PDE10A: variants seen among roughly 807,000 people sequenced by gnomAD.
PDE10A encodes cAMP and cAMP-inhibited cGMP 3',5'-cyclic phosphodiesterase 10A.
PDE10A carries 39 observed loss-of-function variants against 97.7 expected under a neutral mutation model. That is an observed-to-expected ratio of 0.40 (90% confidence interval 0.31 to 0.52). PDE10A has a LOEUF of 0.52. Ranked by LOEUF, PDE10A falls within the 20% of genes least tolerant of loss-of-function variation. The probability of loss-of-function intolerance (pLI) is 0.56; values close to 1 mark genes in which losing one functional copy is unlikely to be tolerated. For synonymous variants in PDE10A, 371 were observed against 376.8 expected, an observed-to-expected ratio of 0.98 and a Z score of 0.18; for missense variants, 731 against 1,047.8, an observed-to-expected ratio of 0.70 and a Z score of 4.17.
chr6:165,685,072 G>T (rs150525247), intron 1 of PDE10A, among the ~76,000 whole-genome samples: 27 of 152,184 alleles, frequency 1.8e-4, no homozygotes, highest in African/African-American at 6.0e-4. Context: ...TTAAAAAATC[G>T]CTATGTGATA....
At chr6:165,890,689 G>T (rs1781768565) in intron 1 of PDE10A, among the ~76,000 whole-genome samples, 1 of 152,176 alleles carries the variant, frequency 6.6e-6, no homozygotes, top group South Asian at 2.1e-4. Context: ...GCGTTAGAAA[G>T]GTGAAGGACA....
At chr6:165,599,568 C>T (rs149547284) in intron 1 of PDE10A, among the ~76,000 whole-genome samples, 4 of 152,294 alleles carry the variant, frequency 2.6e-5, no homozygotes, top group African/African-American at 9.6e-5. Context: ...TAAGGTATGC[C>T]TCAATTACAT....
intron 2 of PDE10A, among the ~76,000 whole-genome samples, chr6:165,486,839 A>C (rs533255668): frequency 1.5e-4 from 23 of 152,360 alleles, no homozygotes; most frequent in African/African-American, 5.3e-4. Flanking sequence ...GGAGAATGAC[A>C]GCTGTGTTCA....
At chr6:165,763,476 C>T (rs1402567486) in intron 1 of PDE10A, among the ~76,000 whole-genome samples, 1 of 152,140 alleles carries the variant, frequency 6.6e-6, no homozygotes, top group Non-Finnish European at 1.5e-5. Context: ...GCGCCCACCA[C>T]CATACCCAGC....
At chr6:165,954,378 C>T (rs1445689559) in intron 1 of PDE10A, among the ~76,000 whole-genome samples, 1 of 152,178 alleles carries the variant, frequency 6.6e-6, no homozygotes, top group Non-Finnish European at 1.5e-5. Flanking sequence ...ATAATAACTG[C>T]TACATGTCTT....
chr6:165,715,027 G>A (rs1208998047), intron 1 of PDE10A, among the ~76,000 whole-genome samples: 1 of 152,262 alleles, frequency 6.6e-6, no homozygotes, highest in African/African-American at 2.4e-5. Context: ...AGCAGGGCAG[G>A]AGTGCCTGGG....
intron 10 of PDE10A, among the ~76,000 whole-genome samples, chr6:165,425,770 C>CATATGTGTGTGTGTGTGTGTGTGT (rs112669910): frequency 1.2e-4 from 18 of 144,126 alleles, no homozygotes; most frequent in African/African-American, 2.9e-4. Context: ...AAGGCATGAT[C>CATATGTGTGTGTGTGTGTGTGTGT]GTGTGTGTGT....
chr6:165,487,234 C>A (rs1223239412), intron 2 of PDE10A, among the ~76,000 whole-genome samples: 1 of 152,142 alleles, frequency 6.6e-6, no homozygotes, highest in Admixed American at 6.5e-5. Flanking sequence ...CACTGAAAAG[C>A]CTGCTTCCGT....
chr6:165,763,783 G>A (rs1387639390), intron 1 of PDE10A, among the ~76,000 whole-genome samples: 4 of 152,198 alleles, frequency 2.6e-5, no homozygotes, highest in Non-Finnish European at 5.9e-5. Flanking sequence ...TTAAATGTTT[G>A]TGCATTCTTA....
At chr6:165,587,763 A>C (rs1288866186) in intron 1 of PDE10A, among the ~76,000 whole-genome samples, 3 of 152,212 alleles carry the variant, frequency 2.0e-5, no homozygotes, top group African/African-American at 7.2e-5. Flanking sequence ...TAATTTTCAT[A>C]TGTCTTCCAG....
chr6:165,905,057 T>C (rs35437386), intron 1 of PDE10A, among the ~76,000 whole-genome samples: 13,492 of 152,258 alleles, frequency 0.089, 632 homozygotes, highest in South Asian at 0.16. Flanking sequence ...TGTTATTTAC[T>C]GTATACAAGG....
intron 1 of PDE10A, among the ~76,000 whole-genome samples, chr6:165,699,692 G>A (rs1258180905): frequency 1.3e-5 from 2 of 152,118 alleles, no homozygotes; most frequent in African/African-American, 4.8e-5. Context: ...AAAAATTTGG[G>A]AAATCCACAA....
intron 1 of PDE10A, among the ~76,000 whole-genome samples, chr6:165,779,123 T>C (rs1778275725): frequency 6.6e-6 from 1 of 152,194 alleles, no homozygotes; most frequent in Admixed American, 6.5e-5. Flanking sequence ...ACTTATCGTT[T>C]TGGAGTTTTA....
intron 2 of PDE10A, among the ~76,000 whole-genome samples, chr6:165,521,865 T>C (rs539095592): frequency 1.3e-5 from 2 of 152,340 alleles, no homozygotes; most frequent in Non-Finnish European, 2.9e-5. Flanking sequence ...CGAAGGTAGC[T>C]ACACCTGGTG....
chr6:165,757,442 TAGAA>T (rs1390947146), intron 1 of PDE10A, among the ~76,000 whole-genome samples: 9 of 152,200 alleles, frequency 5.9e-5, no homozygotes, highest in Admixed American at 1.3e-4. Flanking sequence ...GAAATATACT[TAGAA>T]AGACCATTTC....
chr6:165,351,635 T>C (rs1453188723), intron 18 of PDE10A, among the ~76,000 whole-genome samples: 1 of 152,174 alleles, frequency 6.6e-6, no homozygotes, highest in South Asian at 2.1e-4. Context: ...AAGCCCAGAA[T>C]GTGACTCCTT....
At position 165,812,378 on chromosome 6, in the gene PDE10A, ACTTCAG is replaced by A. The variant is rs1357842199; in HGVS notation, c.-615+175145_-615+175150del. 2.0e-5 allele frequency among the ~76,000 whole-genome samples: 3 copies of A among 152,204 alleles called. No individual in the cohort carries two copies. In the East Asian group the frequency reaches 5.8e-4, roughly 29 times the overall value. On this transcript the variant is annotated intron_variant, in intron 1 of 19. Transcript: ENST00000366882. ...TTTAAACAAAAAATAACTTTTAATA[ACTTCAG>A]CAAAATTTATCAGTGGTTAAGCAAT...
rs759378904 is a variant in PDE10A at position 165,416,177 on chromosome 6, G to C, written c.1889+12C>G. On this transcript the variant is annotated intron_variant, in intron 12 of 21. Transcript: ENST00000539869. ...AGAAATCAATGGAGTGTCGACATCA[G>C]CTATTTCTTACCTGTTAAAGCGTGG... is the stretch of plus-strand genomic sequence containing the variant. The C allele has an allele frequency of 1.4e-5, 22 of 1,535,412 alleles. No homozygotes were observed. The highest frequency in any genetic ancestry group is 1.6e-5 in the Non-Finnish European group (18 of 1,108,382).
intron 18 of PDE10A, among the ~76,000 whole-genome samples, chr6:165,344,414 G>A (rs1782175240): frequency 6.6e-6 from 1 of 152,188 alleles, no homozygotes. Flanking sequence ...ATATAAAAGT[G>A]TGTAATGAGT....
Sources: gnomAD v4.1 joint callset for allele counts (sites outside exome capture counted in the v4.1 genomes callset) on GRCh38, gnomAD v4.1.1 for gene constraint, MANE v1.5 for transcripts, NCBI Gene and HGNC (gene_info 2026-07-23, HGNC 2026-07-21) for gene names.